The following DIO1 variants were observed in gnomAD, a reference collection of about 807,000 sequenced individuals.
DIO1 encodes the protein iodothyronine deiodinase 1, also known as type I iodothyronine deiodinase.
In DIO1, 17 loss-of-function variants were observed where a neutral mutation model predicts 25.9. That is an observed-to-expected ratio of 0.66 (90% CI 0.45 to 0.98). DIO1 has a LOEUF of 0.98. DIO1 is among the 50% of genes least tolerant of loss of function. The pLI is 0.00. For missense variants in DIO1, 270 were observed against 310.4 expected, an observed-to-expected ratio of 0.87 and a Z score of 0.98; for synonymous variants, 115 against 114.0, an observed-to-expected ratio of 1.01 and a Z score of -0.05.
intron 1 of DIO1, among the ~76,000 whole-genome samples, chr1:53,896,314 C>T (rs1423177054): frequency 6.8e-6 from 1 of 146,644 alleles, no homozygotes; most frequent in Non-Finnish European, 1.5e-5. Context: ...ATTTACCAGG[C>T]TCAAGCCATC....
intron 1 of DIO1, among the ~76,000 whole-genome samples, chr1:53,898,744 C>A (rs1254781744): frequency 6.3e-3 from 666 of 106,170 alleles, no homozygotes; most frequent in Middle Eastern, 9.5e-3. Flanking sequence ...GACTCTGTCT[C>A]AAAAAAAAAA....
At chr1:53,909,846 C>G in intron 3 of DIO1, 85 bp from the exon 4 acceptor site, 1 of 1,345,346 alleles carries the variant, frequency 7.4e-7, no homozygotes, top group Non-Finnish European at 1.1e-6. Context: ...TTGACCACCT[C>G]TTGCAACTAA....
chr1:53,908,059 TAAAAATACAA>T lies in DIO1; in HGVS notation c.681+1769_681+1778del, dbSNP rs1651750305. On this transcript the variant is annotated intron_variant, in intron 3 of 3. Transcript: ENST00000361921. Reference sequence around the variant, plus strand: ...CAACATGGTGAAACCCTGTCTCTACTAAAAATACAAAAATTAGCCAGGCATGGTGGCATGT... The same window carrying T: ...CAACATGGTGAAACCCTGTCTCTACTAAATTAGCCAGGCATGGTGGCATGT... 1.3e-5 allele frequency among the ~76,000 whole-genome samples: 2 copies of T among 149,742 alleles called. 1 individual carries two copies. The highest frequency in any genetic ancestry group is 4.2e-4 in the South Asian group (2 of 4,762).
chr1:53,900,982 C>CTTTTTTTT lies in DIO1; in HGVS notation c.338-3662_338-3655dup, dbSNP rs71063891. ...GGCACACCCTACCAGGGCCAGCTAA[C>CTTTTTTTT]TTTTTTTTTTTTTTTTTTTTTTTTT... On this transcript the variant is annotated intron_variant, in intron 1 of 3. Coordinates refer to ENST00000361921, the MANE Select transcript of DIO1 (RefSeq NM_000792.7). 2.8e-5 allele frequency among the ~76,000 whole-genome samples: 2 copies of CTTTTTTTT among 72,084 alleles called. 1 individual carries two copies. The highest frequency in any genetic ancestry group is 4.9e-5 in the Non-Finnish European group (2 of 40,796). The allele number at this position is 72,084 out of a possible 152,430, so 47.3% of individuals were successfully genotyped here.
chr1:53,910,111 T>C lies in DIO1; in HGVS notation c.*112T>C. The C allele has an allele frequency of 1.1e-6, 1 of 888,854 alleles. No homozygotes were observed. Among genetic ancestry groups the C allele is most frequent in the Non-Finnish European group, 1.9e-6 (1 of 536,692 alleles). The allele number at this position is 888,854 out of a possible 1,614,324, so 55.1% of individuals were successfully genotyped here. ...TGACCTGTGTCCCTAGCTGAATCAC[T>C]AGCTCAGATTTTTCTGATCTAAGCA... On this transcript the variant is annotated 3_prime_UTR_variant, in exon 4 of 4. Coordinates refer to ENST00000361921, the MANE Select transcript of DIO1 (RefSeq NM_000792.7).
intron 1 of DIO1, 91 bp from the exon 2 acceptor site, chr1:53,904,575 A>G: frequency 6.6e-7 from 1 of 1,504,490 alleles, no homozygotes; most frequent in Non-Finnish European, 9.0e-7. Context: ...GGGAAATAAA[A>G]ATAACAGAAT....
At chr1:53,896,619 C>T (rs1651092342) in intron 1 of DIO1, among the ~76,000 whole-genome samples, 2 of 152,196 alleles carry the variant, frequency 1.3e-5, no homozygotes, top group Non-Finnish European at 2.9e-5. Flanking sequence ...ACCCTGAATA[C>T]TATATCCCCC....
intron 1 of DIO1, among the ~76,000 whole-genome samples, chr1:53,900,983 T>TC (rs1491217330): frequency 1.5e-4 from 1 of 6,552 alleles, no homozygotes; most frequent in South Asian, 9.3e-3. Flanking sequence ...GCCAGCTAAC[T>TC]TTTTTTTTTT....
intron 2 of DIO1, among the ~76,000 whole-genome samples, chr1:53,905,165 A>AT (rs1194459720): frequency 0.16 from 18,825 of 118,972 alleles, 2,651 homozygotes; most frequent in African/African-American, 0.37. Flanking sequence ...CCTTATGGCT[A>AT]TTTTTTTTTT....
intron 1 of DIO1, among the ~76,000 whole-genome samples, chr1:53,902,679 G>A (rs1446464418): frequency 6.6e-6 from 1 of 151,820 alleles, no homozygotes; most frequent in East Asian, 1.9e-4. Flanking sequence ...CAGGAGGCCA[G>A]CTGCTCCCCA....
At chr1:53,899,092 A>T (rs1651229623) in intron 1 of DIO1, among the ~76,000 whole-genome samples, 1 of 152,112 alleles carries the variant, frequency 6.6e-6, no homozygotes, top group Non-Finnish European at 1.5e-5. Flanking sequence ...GCACACACAC[A>T]CAATATACAC....
chr1:53,902,783 C>T (rs1030909522), intron 1 of DIO1, among the ~76,000 whole-genome samples: 2 of 151,462 alleles, frequency 1.3e-5, no homozygotes, highest in African/African-American at 2.5e-5. Flanking sequence ...CAGGGACCTA[C>T]ACTCAAAAGG....
At chr1:53,905,851 T>C (rs958722923) in intron 2 of DIO1, among the ~76,000 whole-genome samples, 1 of 152,024 alleles carries the variant, frequency 6.6e-6, no homozygotes, top group African/African-American at 2.4e-5. Context: ...GATCAAGGAG[T>C]GCTGGTTTAT....
chr1:53,896,554 A>G (rs1651089807), intron 1 of DIO1, among the ~76,000 whole-genome samples: 1 of 152,164 alleles, frequency 6.6e-6, no homozygotes, highest in Admixed American at 6.5e-5. Flanking sequence ...TTTAGAACCT[A>G]AGTTCCACAG....
At chr1:53,902,733 C>T (rs1651431343) in intron 1 of DIO1, among the ~76,000 whole-genome samples, 1 of 151,794 alleles carries the variant, frequency 6.6e-6, no homozygotes, top group African/African-American at 2.4e-5. Context: ...AAGGCTTCCA[C>T]CCAGGGCTGG....
At position 53,910,232 on chromosome 1, in the gene DIO1, T is replaced by C. The variant is rs1202812782; in HGVS notation, c.*233T>C. 5 of 516,502 alleles carry C rather than the reference T, an allele frequency of 9.7e-6. No individual in the cohort carries two copies. The highest frequency in any genetic ancestry group is 1.8e-5 in the Non-Finnish European group (5 of 285,468). The allele number at this position is 516,502 out of a possible 1,614,324, so 32.0% of individuals were successfully genotyped here. ...GCAACACTTGAGCTGTTCAGGCCAG[T>C]TCCCTGTTGAAGAAACAGTTCCCTG... is the stretch of plus-strand genomic sequence containing the variant. On this transcript the variant is annotated 3_prime_UTR_variant, in exon 4 of 4. Transcript: ENST00000361921.
intron 2 of DIO1, 53 bp from the exon 3 acceptor site, chr1:53,906,042 C>T: frequency 6.4e-7 from 1 of 1,556,458 alleles, no homozygotes; most frequent in East Asian, 2.3e-5. Context: ...ATTTAGTCTG[C>T]AGGAAGTGTG....
At chr1:53,902,948 T>C (rs1651442715) in intron 1 of DIO1, 1 of 151,546 alleles carries the variant, frequency 6.6e-6, no homozygotes, top group African/African-American at 2.4e-5. Flanking sequence ...TACGGGACAA[T>C]GGAGCATGCC....
Position 53,897,757 on chromosome 1 carries a change from T to TG in DIO1, c.337+3217dup, listed in dbSNP as rs544672971. On this transcript the variant is annotated intron_variant, in intron 1 of 3. Coordinates refer to ENST00000361921, the MANE Select transcript of DIO1 (RefSeq NM_000792.7). ...GTCCCAGCTACTCAGGAGGCTGAGT[T>TG]GGGGGGGTCACTTAAGCCCAGGAGG... Among the ~76,000 whole-genome samples the TG allele has an allele frequency of 2.9e-3, 438 of 151,992 alleles. 1 individual carries two copies. The highest frequency in any genetic ancestry group is 5.3e-3 in the Non-Finnish European group (360 of 67,948).
Sources: allele counts gnomAD v4.1 joint callset (sites outside exome capture counted in the v4.1 genomes callset), GRCh38; gene constraint gnomAD v4.1.1; transcripts MANE v1.5; gene names NCBI Gene and HGNC (gene_info 2026-07-23, HGNC 2026-07-21).